ACADM: variants seen among roughly 807,000 people sequenced by gnomAD.
ACADM encodes the protein medium-chain specific acyl-CoA dehydrogenase, mitochondrial.
Under a neutral mutation model 58.9 loss-of-function variants are expected in ACADM, and 49 were observed. The observed-to-expected ratio is 0.83, with a 90% CI of 0.66 to 1.06. The LOEUF (loss-of-function observed/expected upper bound fraction) is 1.06. Among genes scored for constraint, ACADM ranks in the 50% least tolerant of loss-of-function variants. ACADM has a pLI of 0.00. For missense variants in ACADM, 496 were observed against 507.0 expected (o/e 0.98, Z 0.21); for synonymous variants, 160 against 157.7 (o/e 1.01, Z -0.11).
At chr1:75,748,841 A>T (rs1413779456) in intron 8 of ACADM, among the ~76,000 whole-genome samples, 1 of 152,252 alleles carries the variant, frequency 6.6e-6, no homozygotes, top group East Asian at 1.9e-4. Context: ...AAATGTATAC[A>T]TAAAAATGGT....
At chr1:75,762,289 C>T (rs1146586) in intron 11 of ACADM, among the ~76,000 whole-genome samples, 4,760 of 138,612 alleles carry the variant, frequency 0.034, 250 homozygotes, top group African/African-American at 0.13. Context: ...GTTCCACAGG[C>T]AGTGGGAGAA....
intron 9 of ACADM, among the ~76,000 whole-genome samples, chr1:75,749,823 C>T (rs1648106640): frequency 6.6e-6 from 1 of 150,452 alleles, no homozygotes; most frequent in South Asian, 2.1e-4. Context: ...AGAGATTCTC[C>T]TGCCTTAGCC....
At chr1:75,751,233 G>A (rs61799968) in intron 10 of ACADM, among the ~76,000 whole-genome samples, 32 of 151,048 alleles carry the variant, frequency 2.1e-4, no homozygotes, top group East Asian at 1.2e-3. Flanking sequence ...CCAGCTACTC[G>A]GGAGGCTGAG....
chr1:75,756,461 A>G (rs535088891), intron 10 of ACADM, among the ~76,000 whole-genome samples: 5 of 152,308 alleles, frequency 3.3e-5, no homozygotes, highest in South Asian at 2.1e-4. Flanking sequence ...CCCATTCACA[A>G]TTGCTTCAAA....
Position 75,759,319 on chromosome 1 carries a change from G to A in ACADM, c.946-1803G>A, listed in dbSNP as rs530813148. Among the ~76,000 whole-genome samples, 14 of 152,304 alleles carry A rather than the reference G, an allele frequency of 9.2e-5. No homozygotes were observed. In the South Asian group the frequency reaches 2.7e-3, roughly 29 times the overall value. ...CCCTCTCCCCTCCCTGGAGGTTGTA[G>A]GGTTGGGGCTGAAACTCCCAACCCT... On this transcript the variant is annotated intron_variant, in intron 10 of 11. Transcript: ENST00000370841.
chr1:75,745,560 C>T (rs1007879874), intron 7 of ACADM: 9 of 507,532 alleles, frequency 1.8e-5, no homozygotes, highest in Admixed American at 1.6e-4. Context: ...TAACTGAAAC[C>T]ACAGAAAGTG....
In ACADM at chr1:75,737,302, A is replaced by G. The variant is rs1189578073; in HGVS notation, c.468+2431A>G. Among the ~76,000 whole-genome samples, 32 of 101,698 alleles carry G rather than the reference A, an allele frequency of 3.1e-4. 2 individuals are homozygous for G. Among genetic ancestry groups the G allele is most frequent in the Non-Finnish European group, 5.7e-4 (26 of 46,008 alleles). 66.7% of individuals were successfully genotyped at this position (101,698 alleles called of 152,430 possible). A position where few individuals can be genotyped will look rare whatever the true frequency, so the allele number is the denominator to read the frequency against. Reference sequence around the variant, plus strand: ...CAAATATATATATATATATATATATATATATATATATATATATATATATAT... The same window carrying G: ...CAAATATATATATATATATATATATGTATATATATATATATATATATATAT... On this transcript the variant is annotated intron_variant, in intron 6 of 11. Coordinates refer to ENST00000370841, the MANE Select transcript of ACADM (RefSeq NM_000016.6).
chr1:75,725,135 C>T (rs1196374390), intron 1 of ACADM, among the ~76,000 whole-genome samples: 1 of 152,012 alleles, frequency 6.6e-6, no homozygotes, highest in African/African-American at 2.4e-5. Flanking sequence ...AAAGTGACCC[C>T]GTCTCTGTGT....
chr1:75,733,519 A>G lies in ACADM; in HGVS notation c.287-9A>G. Reference sequence around the variant, plus strand: ...TATTACAATGTGTTGAAACATTTTGATACTGTAGGAGGTCTTGGACTTGGA... The same window carrying G: ...TATTACAATGTGTTGAAACATTTTGGTACTGTAGGAGGTCTTGGACTTGGA... On this transcript the variant is annotated splice_polypyrimidine_tract_variant and intron_variant, in intron 4 of 11. Coordinates refer to ENST00000370841, the MANE Select transcript of ACADM (RefSeq NM_000016.6). 6.2e-7 allele frequency: 1 copy of G among 1,605,356 alleles called. No individual in the cohort carries two copies. The highest frequency in any genetic ancestry group is 8.5e-7 in the Non-Finnish European group (1 of 1,172,112).
intron 8 of ACADM, 106 bp from the exon 9 acceptor site, chr1:75,749,313 T>C: frequency 1.7e-6 from 2 of 1,165,180 alleles, no homozygotes; most frequent in Non-Finnish European, 2.5e-6. Flanking sequence ...TACAGTTTGT[T>C]GATCCCTGTT....
chr1:75,729,373 G>A (rs1402167242), intron 2 of ACADM, among the ~76,000 whole-genome samples: 1 of 140,390 alleles, frequency 7.1e-6, no homozygotes, highest in Non-Finnish European at 1.5e-5. Context: ...CTAGGCTCAA[G>A]CAGTCCTCTT....
chr1:75,748,708 A>G (rs1341437121), intron 8 of ACADM, among the ~76,000 whole-genome samples: 1 of 152,230 alleles, frequency 6.6e-6, no homozygotes, highest in African/African-American at 2.4e-5. Flanking sequence ...TTGCCAGGGG[A>G]TAAGTGTAGA....
intron 9 of ACADM, among the ~76,000 whole-genome samples, chr1:75,749,777 A>G (rs1416968283): frequency 6.8e-6 from 1 of 146,444 alleles, no homozygotes; most frequent in African/African-American, 2.6e-5. Context: ...CAGTGGTGCA[A>G]TCTCAGCTCA....
rs767864911 is a variant in ACADM at position 75,734,807 on chromosome 1, T to C, written c.404T>C (p.Ile135Thr). ...GNSLGQMPII[I>T]AGNDQQKKKY... ...CTTCGGTAGCAAATGCCTATTATTA[T>C]TGCTGGAAATGATCAACAAAAGAAG... The change falls in exon 6 of 12, where the codon ATT becomes ACT. Residue 135 changes from isoleucine to threonine, a missense_variant. Physicochemically the swap from Ile to Thr is moderately conservative, Grantham distance 89. Transcript: ENST00000370841. The C allele has an allele frequency of 5.0e-6, 8 of 1,613,536 alleles. No individual in the cohort carries two copies. The highest frequency in any genetic ancestry group is 1.1e-5 in the South Asian group (1 of 91,040).
chr1:75,745,847 C>T lies in ACADM; in HGVS notation c.641C>T (p.Pro214Leu). The T allele has an allele frequency of 3.1e-6, 5 of 1,613,958 alleles. No homozygotes were observed. Among genetic ancestry groups the T allele is most frequent in the Non-Finnish European group, 4.2e-6 (5 of 1,179,950 alleles). The change falls in exon 8 of 12, where the codon CCT becomes CTT. Residue 214 changes from proline (P) to leucine (L), a missense_variant. Physicochemically the swap from Pro to Leu is moderately conservative, Grantham distance 98. Coordinates refer to ENST00000370841, the MANE Select transcript of ACADM (RefSeq NM_000016.6). ...CGTTCTGATCCAGATCCTAAAGCTC[C>T]TGCTAATAAAGCCTTTACTGGATTC... is the stretch of plus-strand genomic sequence containing the variant. Reference protein sequence around the residue: ...LARSDPDPKAPANKAFTGFIV... With the variant: ...LARSDPDPKALANKAFTGFIV...
intron 10 of ACADM, among the ~76,000 whole-genome samples, chr1:75,756,954 T>TG (rs1474701750): frequency 6.6e-6 from 1 of 152,074 alleles, no homozygotes; most frequent in East Asian, 1.9e-4. Flanking sequence ...ACACAAGAAA[T>TG]GGGGGAAGGA....
rs138534010 is a variant in ACADM, at chr1:75,757,879, A to G, written c.946-3243A>G. ...GATCCCACAGGCTTAGTCTCACAAG[A>G]CTGCCCCTTCTTTTCCCCTAGTTGC... On this transcript the variant is annotated intron_variant, in intron 10 of 11. Transcript: ENST00000370841. Among the ~76,000 whole-genome samples, 988 of 152,256 alleles carry G rather than the reference A, an allele frequency of 6.5e-3. 16 individuals carry two copies. Among genetic ancestry groups the G allele is most frequent in the Admixed American group, 0.035 (532 of 15,292 alleles).
intron 6 of ACADM, among the ~76,000 whole-genome samples, chr1:75,735,877 T>A (rs1212299568): frequency 6.7e-6 from 1 of 149,862 alleles, no homozygotes; most frequent in Non-Finnish European, 1.5e-5. Flanking sequence ...GGGCTGGGCA[T>A]AGTGGCTCAC....
chr1:75,750,812 A>G, intron 10 of ACADM: 23 of 480,412 alleles, frequency 4.8e-5, no homozygotes, highest in Non-Finnish European at 7.9e-5. Context: ...GCAGTGGCAC[A>G]ATCTCGGTTC....
Sources: allele counts gnomAD v4.1 joint callset (sites outside exome capture counted in the v4.1 genomes callset), GRCh38; gene constraint gnomAD v4.1.1; transcripts MANE v1.5; gene names NCBI Gene and HGNC (gene_info 2026-07-23, HGNC 2026-07-21).